TJP1: variants seen among roughly 807,000 people sequenced by gnomAD.
TJP1 encodes tight junction protein ZO-1.
Under a neutral mutation model 194.2 loss-of-function variants are expected in TJP1, and 43 were observed. The ratio of observed to expected loss-of-function variants is 0.22; its 90% CI spans 0.17 to 0.29. The LOEUF (loss-of-function observed/expected upper bound fraction) is 0.29, where lower values mean the gene tolerates loss of function less well. Among genes scored for constraint, TJP1 ranks in the 10% least tolerant of loss-of-function variants. The probability of loss-of-function intolerance (pLI) is 1.00; values close to 1 mark genes in which losing one functional copy is unlikely to be tolerated. For synonymous variants in TJP1, 801 were observed against 779.0 expected (o/e 1.03, Z -0.47); for missense variants, 1,971 against 2,185.7 (o/e 0.90, Z 1.96).
intron 1 of TJP1, among the ~76,000 whole-genome samples, chr15:29,966,490 A>G (rs1303400529): frequency 6.6e-6 from 1 of 152,132 alleles, no homozygotes; most frequent in African/African-American, 2.4e-5. Flanking sequence ...CAAGAAGAGC[A>G]AAACTGTTTC....
At chr15:29,771,057 T>C (rs984657288) in intron 4 of TJP1, among the ~76,000 whole-genome samples, 2 of 152,170 alleles carry the variant, frequency 1.3e-5, no homozygotes, top group Admixed American at 1.3e-4. Flanking sequence ...AACAGGCATA[T>C]AATTTTTTTA....
At position 29,926,634 on chromosome 15, in the gene TJP1, T is replaced by C. The variant is rs544529009; in HGVS notation, c.306+29598A>G. 8.4e-4 allele frequency among the ~76,000 whole-genome samples: 127 copies of C among 151,248 alleles called. 1 individual carries two copies. Among genetic ancestry groups the C allele is most frequent in the African/African-American group, 2.9e-3 (120 of 41,300 alleles). ...TTTCAGAAAAAAAAAAAAAAAAGTA[T>C]TTGGGGACAAGAAATGAATTAATAT... On this transcript the variant is annotated intron_variant, in intron 2 of 28. Coordinates refer to the TJP1 transcript ENST00000356107.
chr15:29,949,449 TCACCACCACTTC>T (rs2055474618), intron 2 of TJP1, among the ~76,000 whole-genome samples: 1 of 36,532 alleles, frequency 2.7e-5, no homozygotes, highest in Non-Finnish European at 5.8e-5. Context: ...ACCTCCACCT[TCACCACCACTTC>T]CACCACCACC....
chr15:29,778,284 T>A (rs930095586), intron 2 of TJP1, among the ~76,000 whole-genome samples: 1 of 151,654 alleles, frequency 6.6e-6, no homozygotes, highest in African/African-American at 2.4e-5. Context: ...TGCATGATCC[T>A]CAATCTATAC....
intron 2 of TJP1, among the ~76,000 whole-genome samples, chr15:29,788,152 CT>C (rs1405410269): frequency 6.6e-6 from 1 of 152,170 alleles, no homozygotes; most frequent in Non-Finnish European, 1.5e-5. Flanking sequence ...TATTTTTCAA[CT>C]GATTTGTCTT....
chr15:29,911,406 G>T (rs1195081523), intron 2 of TJP1, among the ~76,000 whole-genome samples: 1 of 152,172 alleles, frequency 6.6e-6, no homozygotes, highest in East Asian at 1.9e-4. Context: ...CTGTCTTCAT[G>T]TTTCTATAAA....
At chr15:29,911,596 A>G (rs2054015320) in intron 2 of TJP1, among the ~76,000 whole-genome samples, 1 of 152,098 alleles carries the variant, frequency 6.6e-6, no homozygotes, top group African/African-American at 2.4e-5. Context: ...GGGAGGTGCT[A>G]CACACTTTTA....
At chr15:29,793,883 T>C (rs1337720536) in intron 2 of TJP1, among the ~76,000 whole-genome samples, 2 of 152,210 alleles carry the variant, frequency 1.3e-5, no homozygotes, top group African/African-American at 2.4e-5. Context: ...CTTTTAAATA[T>C]GTAGTTGAAT....
At chr15:29,853,133 T>C (rs972880388) in intron 2 of TJP1, among the ~76,000 whole-genome samples, 1 of 152,186 alleles carries the variant, frequency 6.6e-6, no homozygotes, top group Non-Finnish European at 1.5e-5. Flanking sequence ...TTGAGTAAAA[T>C]AAGCCAATCC....
chr15:29,769,159 A>G (rs2046500318), intron 4 of TJP1, among the ~76,000 whole-genome samples: 1 of 152,248 alleles, frequency 6.6e-6, no homozygotes, highest in Admixed American at 6.5e-5. Context: ...TGACTACAGA[A>G]AACACTCTAG....
chr15:29,853,046 A>G (rs1022556066), intron 2 of TJP1, among the ~76,000 whole-genome samples: 1 of 152,232 alleles, frequency 6.6e-6, no homozygotes, highest in African/African-American at 2.4e-5. Flanking sequence ...TATTCACCCC[A>G]TGGAATATTA....
intron 8 of TJP1, among the ~76,000 whole-genome samples, chr15:29,751,458 TA>T (rs1169024680): frequency 2.0e-5 from 3 of 152,232 alleles, no homozygotes; most frequent in Non-Finnish European, 4.4e-5. Flanking sequence ...CTTCTCATCT[TA>T]AACATTCATC....
intron 2 of TJP1, among the ~76,000 whole-genome samples, chr15:29,773,905 A>G (rs1233963507): frequency 5.3e-5 from 8 of 152,240 alleles, no homozygotes; most frequent in African/African-American, 1.9e-4. Flanking sequence ...TTGAACTAAC[A>G]TTGTAAAATT....
chr15:29,763,791 C>A (rs1002581748), intron 5 of TJP1, among the ~76,000 whole-genome samples: 2 of 147,006 alleles, frequency 1.4e-5, no homozygotes, highest in African/African-American at 5.0e-5. Context: ...AAAATTACAT[C>A]AGAATTACAG....
In TJP1 at chr15:29,701,740, C is replaced by A. The variant is rs778259899; in HGVS notation, c.5213-51G>T. On this transcript the variant is annotated intron_variant, in intron 27 of 27. Transcript: ENST00000614355. ...ATTTACAGTTCAGTAAACTGCTATCCGTAATGCTTTGCAATTATAGGGCAA... is the reference window on the plus strand; with the variant it reads ...ATTTACAGTTCAGTAAACTGCTATCAGTAATGCTTTGCAATTATAGGGCAA... 2.2e-6 allele frequency: 3 copies of A among 1,384,834 alleles called. No homozygotes were observed. In the Admixed American group the frequency reaches 5.1e-5, roughly 24 times the overall value. 85.8% of individuals were successfully genotyped at this position (1,384,834 alleles called of 1,614,324 possible).
At chr15:29,795,305 C>A (rs545041877) in intron 2 of TJP1, among the ~76,000 whole-genome samples, 47 of 151,856 alleles carry the variant, frequency 3.1e-4, no homozygotes, top group African/African-American at 1.1e-3. Context: ...TGCTTACAGT[C>A]CCAGCTACTC....
intron 2 of TJP1, among the ~76,000 whole-genome samples, chr15:29,832,537 G>A (rs2152048072): frequency 6.6e-6 from 1 of 152,346 alleles, no homozygotes; most frequent in East Asian, 1.9e-4. Context: ...ATACACATAT[G>A]CAGAAAACTG....
At chr15:29,787,919 T>C (rs2047804464) in intron 2 of TJP1, among the ~76,000 whole-genome samples, 1 of 152,322 alleles carries the variant, frequency 6.6e-6, no homozygotes, top group East Asian at 1.9e-4. Flanking sequence ...AGCTGCACCA[T>C]TTTACAGTCC....
intron 1 of TJP1, chr15:29,968,543 G>T: frequency 1.2e-6 from 1 of 804,854 alleles, no homozygotes; most frequent in Non-Finnish European, 1.5e-6. Context: ...GTCCCGTCGG[G>T]CCCGACAGTC....
Sources: allele counts gnomAD v4.1 joint callset (sites outside exome capture counted in the v4.1 genomes callset), GRCh38; gene constraint gnomAD v4.1.1; transcripts MANE v1.5; gene names NCBI Gene and HGNC (gene_info 2026-07-23, HGNC 2026-07-21).